NFIA: variants seen among roughly 807,000 people sequenced by gnomAD.
NFIA encodes nuclear factor 1 A-type.
A neutral mutation model predicts 62.8 loss-of-function variants in NFIA; 8 were observed. That is an observed-to-expected ratio of 0.13 (90% confidence interval 0.07 to 0.23). The LOEUF is 0.23. NFIA is among the 10% of genes least tolerant of loss of function. The pLI is 1.00. For missense variants in NFIA, 410 were observed against 642.1 expected (o/e 0.64, Z 3.91); for synonymous variants, 235 against 238.1 (o/e 0.99, Z 0.12).
At chr1:61,301,164 G>A (rs1436596030) in intron 3 of NFIA, among the ~76,000 whole-genome samples, 1 of 114,136 alleles carries the variant, frequency 8.8e-6, no homozygotes, top group Non-Finnish European at 2.1e-5. Flanking sequence ...GAGGACACCG[G>A]GTGATATGCT....
intron 2 of NFIA, among the ~76,000 whole-genome samples, chr1:61,272,020 T>C (rs61770511): frequency 6.6e-6 from 1 of 152,232 alleles, no homozygotes; most frequent in Non-Finnish European, 1.5e-5. Flanking sequence ...TTGTGTACAT[T>C]AATTGACCTT....
In NFIA at chr1:61,461,259, C is replaced by T. The variant is rs572078074; in HGVS notation, c.*5939C>T. ...TACCCATGCTTGATCTGTCTTCACA[C>T]CAGACCTCCTCATATTAAAAGGAAA... On this transcript the variant is annotated 3_prime_UTR_variant, in exon 11 of 11. Coordinates refer to ENST00000403491, the MANE Select transcript of NFIA (RefSeq NM_001134673.4). The T allele has an allele frequency of 2.0e-5, 3 of 152,112 alleles. No individual in the cohort carries two copies. In the East Asian group the frequency reaches 5.8e-4, roughly 29 times the overall value. The allele number at this position is 152,112 out of a possible 1,614,324, so 9.4% of individuals were successfully genotyped here.
intron 10 of NFIA, among the ~76,000 whole-genome samples, chr1:61,430,307 AAT>A (rs1484781705): frequency 2.0e-5 from 3 of 152,222 alleles, no homozygotes; most frequent in Non-Finnish European, 4.4e-5. Context: ...GAACTTTAAA[AAT>A]ATGACTTTTT....
chr1:61,239,718 A>G (rs138535483), intron 2 of NFIA, among the ~76,000 whole-genome samples: 135 of 152,282 alleles, frequency 8.9e-4, no homozygotes, highest in Middle Eastern at 3.4e-3. Context: ...CACTTAATAT[A>G]TTATTCGAAA....
At chr1:61,144,251 G>A (rs1647761548) in intron 2 of NFIA, among the ~76,000 whole-genome samples, 2 of 152,180 alleles carry the variant, frequency 1.3e-5, no homozygotes, top group Admixed American at 6.5e-5. Flanking sequence ...TCAGTGAGAA[G>A]CTCTAGGGGT....
intron 10 of NFIA, among the ~76,000 whole-genome samples, chr1:61,432,891 A>G (rs569265160): frequency 8.0e-4 from 122 of 152,238 alleles, no homozygotes; most frequent in African/African-American, 2.8e-3. Flanking sequence ...TTCTGTGCCT[A>G]CACTCGCTGC....
intron 2 of NFIA, among the ~76,000 whole-genome samples, chr1:61,225,330 A>C (rs1654263282): frequency 6.6e-6 from 1 of 151,700 alleles, no homozygotes; most frequent in African/African-American, 2.4e-5. Flanking sequence ...AGCTCACTGC[A>C]ACCTCTGCCT....
chr1:61,182,007 T>TG (rs1650793279), intron 2 of NFIA, among the ~76,000 whole-genome samples: 1 of 152,228 alleles, frequency 6.6e-6, no homozygotes, highest in Admixed American at 6.5e-5. Context: ...TATTGCTTTG[T>TG]CCTTTTTCTC....
chr1:61,339,174 G>A (rs114803607), intron 4 of NFIA, among the ~76,000 whole-genome samples: 506 of 152,190 alleles, frequency 3.3e-3, no homozygotes, highest in Admixed American at 6.2e-3. Flanking sequence ...AATGGAACTC[G>A]GCATAATTGG....
At chr1:61,118,652 C>T (rs953456755) in intron 2 of NFIA, among the ~76,000 whole-genome samples, 2 of 146,882 alleles carry the variant, frequency 1.4e-5, no homozygotes, top group African/African-American at 5.1e-5. Flanking sequence ...AAAGTTTGGT[C>T]GGGATGAGTG....
chr1:61,167,467 A>G (rs188792829), intron 2 of NFIA, among the ~76,000 whole-genome samples: 5 of 152,310 alleles, frequency 3.3e-5, no homozygotes, highest in East Asian at 3.9e-4. Context: ...TTAAGGTCAT[A>G]TTACTGTTGT....
chr1:61,100,280 C>CA (rs1557564549), intron 2 of NFIA, among the ~76,000 whole-genome samples: 3 of 152,056 alleles, frequency 2.0e-5, no homozygotes, highest in African/African-American at 4.8e-5. Context: ...AGTTGTAGAC[C>CA]GTTATCATTT....
chr1:61,157,029 C>A (rs1044236395), intron 2 of NFIA, among the ~76,000 whole-genome samples: 3 of 152,200 alleles, frequency 2.0e-5, no homozygotes, highest in Non-Finnish European at 4.4e-5. Flanking sequence ...ACTGGCCACA[C>A]CAGTGGCCAA....
At chr1:61,334,681 A>C (rs1661507400) in intron 4 of NFIA, among the ~76,000 whole-genome samples, 1 of 150,148 alleles carries the variant, frequency 6.7e-6, no homozygotes, top group African/African-American at 2.5e-5. Flanking sequence ...CTGGGATCTA[A>C]AACATAGCCT....
At chr1:61,436,198 C>T (rs1408260230) in intron 10 of NFIA, among the ~76,000 whole-genome samples, 1 of 152,146 alleles carries the variant, frequency 6.6e-6, no homozygotes, top group East Asian at 1.9e-4. Context: ...GCTTACCAAA[C>T]AGGCAGCAAT....
At chr1:61,119,375 T>C (rs533474071) in intron 2 of NFIA, among the ~76,000 whole-genome samples, 28 of 152,338 alleles carry the variant, frequency 1.8e-4, no homozygotes, top group African/African-American at 5.8e-4. Flanking sequence ...ACAAATGATA[T>C]ACACTTTTAG....
chr1:61,306,269 C>CTTTTTTTTT (rs774297484), intron 3 of NFIA, among the ~76,000 whole-genome samples: 3,787 of 60,500 alleles, frequency 0.063, 772 homozygotes, highest in South Asian at 0.082. Flanking sequence ...AGATTTTGTT[C>CTTTTTTTTT]TTTTTTTTTT....
At chr1:61,300,781 C>T (rs1467763910) in intron 3 of NFIA, among the ~76,000 whole-genome samples, 1 of 151,824 alleles carries the variant, frequency 6.6e-6, no homozygotes, top group South Asian at 2.1e-4. Context: ...TGTACCTATA[C>T]ACATAGAGGT....
chr1:61,236,035 C>T (rs1438144440), intron 2 of NFIA, among the ~76,000 whole-genome samples: 1 of 151,948 alleles, frequency 6.6e-6, no homozygotes, highest in African/African-American at 2.4e-5. Context: ...CCTCTTATCC[C>T]TACTTTGGGG....
Sources: allele counts gnomAD v4.1 joint callset (sites outside exome capture counted in the v4.1 genomes callset), GRCh38; gene constraint gnomAD v4.1.1; transcripts MANE v1.5; gene names NCBI Gene and HGNC (gene_info 2026-07-23, HGNC 2026-07-21).